Variants in CUX2 observed in about 807,000 individuals in gnomAD.
CUX2 encodes the protein cut like homeobox 2.
CUX2 carries 40 observed loss-of-function variants against 144.8 expected under a neutral mutation model. That is an observed-to-expected ratio of 0.28 (90% CI 0.21 to 0.36). The LOEUF (loss-of-function observed/expected upper bound fraction) is 0.36, where lower values mean the gene tolerates loss of function less well. Among genes scored for constraint, CUX2 ranks in the 10% least tolerant of loss-of-function variants. CUX2 has a pLI of 1.00. For missense variants in CUX2, 1,615 were observed against 1,994.0 expected, an observed-to-expected ratio of 0.81 and a Z score of 3.62; for synonymous variants, 827 against 875.6, an observed-to-expected ratio of 0.94 and a Z score of 0.98.
At chr12:111,302,900 A>T (rs1479306634) in intron 9 of CUX2, among the ~76,000 whole-genome samples, 1 of 48,848 alleles carries the variant, frequency 2.0e-5, no homozygotes, top group Non-Finnish European at 3.0e-5. Flanking sequence ...ACTCTGTCTT[A>T]AAAAAAAAAA....
chr12:111,157,873 C>T (rs1204296435), intron 1 of CUX2, among the ~76,000 whole-genome samples: 2 of 152,204 alleles, frequency 1.3e-5, no homozygotes, highest in African/African-American at 4.8e-5. Context: ...GAGGAATGTT[C>T]ACTGGCCATT....
chr12:111,222,379 C>T (rs984160974), intron 3 of CUX2, among the ~76,000 whole-genome samples: 7 of 152,190 alleles, frequency 4.6e-5, no homozygotes, highest in Admixed American at 2.0e-4. Context: ...TGTGCACTGT[C>T]CCAGCTTGAA....
At chr12:111,280,012 AGT>A (rs1885047881) in intron 4 of CUX2, among the ~76,000 whole-genome samples, 1 of 149,112 alleles carries the variant, frequency 6.7e-6, no homozygotes, top group Non-Finnish European at 1.5e-5. Flanking sequence ...GACCAGGCGC[AGT>A]GGCTCGTGCC....
rs1241535156 is a variant in CUX2 at position 111,293,328 on chromosome 12, A to G, written c.437-118A>G. 4 of 1,440,384 alleles carry G rather than the reference A, an allele frequency of 2.8e-6. No individual in the cohort carries two copies. Among genetic ancestry groups the G allele is most frequent in the African/African-American group, 2.9e-5 (2 of 69,744 alleles). 89.2% of individuals were successfully genotyped at this position (1,440,384 alleles called of 1,614,324 possible). On this transcript the variant is annotated intron_variant, in intron 5 of 21. Transcript: ENST00000261726. The surrounding 1 kb of genome is among the most constrained non-coding windows in gnomAD (Gnocchi z 4.5). ...AGGGCCCCACAGCTGCGCTCTCTCC[A>G]AGGCCCAAGTTTGGGAAATTGATCA...
intron 1 of CUX2, among the ~76,000 whole-genome samples, chr12:111,109,011 C>A (rs765384418): frequency 7.2e-5 from 11 of 152,202 alleles, no homozygotes; most frequent in Non-Finnish European, 8.8e-5. Flanking sequence ...GGCTATCTCC[C>A]TTTCAGGGCA....
At chr12:111,042,836 A>G (rs1432028688) in intron 1 of CUX2, among the ~76,000 whole-genome samples, 7 of 148,684 alleles carry the variant, frequency 4.7e-5, no homozygotes, top group African/African-American at 1.7e-4. Flanking sequence ...AGGTCTCACC[A>G]TGCTACCCAG....
At chr12:111,156,985 C>CAAAAAAAAAAAAAAAAAAAAAAAAA (rs1200398908) in intron 1 of CUX2, among the ~76,000 whole-genome samples, 1 of 18,990 alleles carries the variant, frequency 5.3e-5, no homozygotes, top group African/African-American at 2.8e-4. Flanking sequence ...AAACTTCTCT[C>CAAAAAAAAAAAAAAAAAAAAAAAAA]AAAAAAAAAA....
chr12:111,274,136 G>A (rs1884754157), intron 4 of CUX2, among the ~76,000 whole-genome samples: 1 of 152,060 alleles, frequency 6.6e-6, no homozygotes, highest in Non-Finnish European at 1.5e-5. Flanking sequence ...TTCACCATAG[G>A]CCAGGCTGGC....
chr12:111,333,967 C>CA (rs1565928297), intron 18 of CUX2, among the ~76,000 whole-genome samples: 3 of 152,120 alleles, frequency 2.0e-5, no homozygotes, highest in Admixed American at 2.0e-4. Flanking sequence ...GCGGGTGGAT[C>CA]ATGAGGTCAG....
At chr12:111,306,850 G>A in intron 10 of CUX2, 71 bp from the exon 11 acceptor site, 1 of 1,300,530 alleles carries the variant, frequency 7.7e-7, no homozygotes. Flanking sequence ...TGGGATTCAG[G>A]GGTGGGGAGG....
chr12:111,143,689 C>G (rs1228555252), intron 1 of CUX2, among the ~76,000 whole-genome samples: 4 of 152,264 alleles, frequency 2.6e-5, no homozygotes, highest in Non-Finnish European at 5.9e-5. Flanking sequence ...GAGCTCACTT[C>G]TTTTTCTGGA....
At chr12:111,133,432 C>A (rs1005989500) in intron 1 of CUX2, among the ~76,000 whole-genome samples, 1 of 152,124 alleles carries the variant, frequency 6.6e-6, no homozygotes, top group Non-Finnish European at 1.5e-5. Context: ...GCACTTCTTA[C>A]ATGGCAGTAG....
intron 1 of CUX2, among the ~76,000 whole-genome samples, chr12:111,056,869 G>A (rs575004766): frequency 3.3e-5 from 5 of 152,324 alleles, no homozygotes; most frequent in East Asian, 1.9e-4. Flanking sequence ...GAGCCAGTGC[G>A]GCAGGAAGTG....
At chr12:111,115,164 A>G (rs1029938702) in intron 1 of CUX2, among the ~76,000 whole-genome samples, 1 of 151,744 alleles carries the variant, frequency 6.6e-6, no homozygotes, top group Non-Finnish European at 1.5e-5. Context: ...TTTTAATTTT[A>G]TGTAAATTTT....
intron 10 of CUX2, among the ~76,000 whole-genome samples, chr12:111,306,326 G>T (rs1251635324): frequency 1.3e-4 from 19 of 141,472 alleles, no homozygotes; most frequent in Middle Eastern, 3.6e-3. Flanking sequence ...TGTTTGTTTG[G>T]TTTTTTTTTT....
intron 1 of CUX2, among the ~76,000 whole-genome samples, chr12:111,173,221 T>C (rs189859686): frequency 6.6e-6 from 1 of 152,168 alleles, no homozygotes. Context: ...TTGGTTGATG[T>C]TCTTGTTGTT....
intron 3 of CUX2, among the ~76,000 whole-genome samples, chr12:111,256,228 G>GC (rs1366371662): frequency 6.6e-6 from 1 of 151,036 alleles, no homozygotes; most frequent in Non-Finnish European, 1.5e-5. Context: ...TCTTCTCTGA[G>GC]CCCCCCTCGT....
chr12:111,246,140 C>T lies in CUX2; in HGVS notation c.223-17621C>T, dbSNP rs1003720346. ...CGGGGCAAGTCTCTTGACTTCTCTG[C>T]GCCTCAGTTTCCTCATCTGGAAAGT... On this transcript the variant is annotated intron_variant, in intron 3 of 21. Transcript: ENST00000261726. The surrounding 1 kb of genome is among the most constrained non-coding windows in gnomAD (Gnocchi z 4.0). 8.5e-5 allele frequency among the ~76,000 whole-genome samples: 13 copies of T among 152,160 alleles called. No homozygotes were observed. The highest frequency in any genetic ancestry group is 1.2e-4 in the African/African-American group (5 of 41,420).
intron 1 of CUX2, among the ~76,000 whole-genome samples, chr12:111,070,931 G>A (rs1871233113): frequency 6.6e-6 from 1 of 151,978 alleles, no homozygotes; most frequent in African/African-American, 2.4e-5. Flanking sequence ...GTGTTTTCCT[G>A]GCTTTTTAGC....
Sources: allele counts gnomAD v4.1 joint callset (sites outside exome capture counted in the v4.1 genomes callset), GRCh38; gene constraint gnomAD v4.1.1; non-coding constraint Gnocchi (gnomAD v3.1); transcripts MANE v1.5; gene names NCBI Gene and HGNC (gene_info 2026-07-23, HGNC 2026-07-21).